Variants in TGM3 observed in about 807,000 individuals in gnomAD.
The protein encoded by TGM3 is transglutaminase 3.
Under a neutral mutation model 73.8 loss-of-function variants are expected in TGM3, and 52 were observed. The observed-to-expected ratio is 0.70, with a 90% CI of 0.56 to 0.89. The LOEUF is 0.89. TGM3 is among the 40% of genes least tolerant of loss of function. TGM3 has a pLI of 0.00. For synonymous variants in TGM3, 372 were observed against 354.9 expected, an observed-to-expected ratio of 1.05 and a Z score of -0.54; for missense variants, 928 against 909.9, an observed-to-expected ratio of 1.02 and a Z score of -0.26.
intron 7 of TGM3, among the ~76,000 whole-genome samples, chr20:2,324,292 T>C (rs978539596): frequency 2.6e-5 from 4 of 152,232 alleles, no homozygotes; most frequent in Non-Finnish European, 5.9e-5. Context: ...TTTCCTTTAT[T>C]TCGTTGAGCC....
At chr20:2,336,184 C>T (rs2084350177) in intron 11 of TGM3, among the ~76,000 whole-genome samples, 1 of 148,822 alleles carries the variant, frequency 6.7e-6, no homozygotes, top group South Asian at 2.2e-4. Context: ...TGTGCGGACT[C>T]CAAGCCTGTC....
intron 4 of TGM3, among the ~76,000 whole-genome samples, chr20:2,311,793 T>C (rs538356278): frequency 6.6e-6 from 1 of 152,116 alleles, no homozygotes; most frequent in South Asian, 2.1e-4. Context: ...GGATAGGACA[T>C]AGAGTGCACC....
intron 4 of TGM3, 44 bp from the exon 5 acceptor site, chr20:2,312,854 C>T (rs200308581): frequency 1.2e-6 from 2 of 1,610,604 alleles, no homozygotes; most frequent in East Asian, 2.2e-5. Flanking sequence ...GCCAACTCTC[C>T]TTGTCATTTC....
intron 11 of TGM3, among the ~76,000 whole-genome samples, chr20:2,335,508 G>T (rs1402842618): frequency 6.6e-6 from 1 of 152,226 alleles, no homozygotes; most frequent in African/African-American, 2.4e-5. Flanking sequence ...GCGTGCATTT[G>T]CCTGGCTGCT....
chr20:2,315,493 C>T (rs932815768), intron 5 of TGM3, among the ~76,000 whole-genome samples: 1 of 152,222 alleles, frequency 6.6e-6, no homozygotes, highest in Non-Finnish European at 1.5e-5. Flanking sequence ...CACTACTGCA[C>T]TGAGGGCCTG....
At chr20:2,321,387 A>C (rs1024641853) in intron 7 of TGM3, among the ~76,000 whole-genome samples, 1 of 152,082 alleles carries the variant, frequency 6.6e-6, no homozygotes, top group Non-Finnish European at 1.5e-5. Flanking sequence ...TATTATTGGC[A>C]CTCTCTTGGC....
intron 1 of TGM3, among the ~76,000 whole-genome samples, chr20:2,302,892 G>T (rs943458683): frequency 6.6e-6 from 1 of 152,112 alleles, no homozygotes; most frequent in Non-Finnish European, 1.5e-5. Flanking sequence ...CATAAGAAAA[G>T]AATGAGCTAC....
At chr20:2,321,729 G>A (rs941121142) in intron 7 of TGM3, among the ~76,000 whole-genome samples, 1 of 152,170 alleles carries the variant, frequency 6.6e-6, no homozygotes, top group South Asian at 2.1e-4. Context: ...AGTGGAGCCC[G>A]AGGTTGGGGG....
At chr20:2,301,990 C>T (rs1182196497) in intron 1 of TGM3, among the ~76,000 whole-genome samples, 4 of 152,202 alleles carry the variant, frequency 2.6e-5, no homozygotes, top group Non-Finnish European at 4.4e-5. Context: ...TGTGAGCCAC[C>T]GTGCCCAGCC....
At chr20:2,318,929 C>T (rs374297069) in intron 7 of TGM3, among the ~76,000 whole-genome samples, 1 of 152,178 alleles carries the variant, frequency 6.6e-6, no homozygotes, top group African/African-American at 2.4e-5. Context: ...CATCCCTTCC[C>T]TTCTGAAGGA....
intron 1 of TGM3, among the ~76,000 whole-genome samples, chr20:2,308,813 C>T (rs1032469089): frequency 6.6e-6 from 1 of 151,412 alleles, no homozygotes; most frequent in African/African-American, 2.4e-5. Flanking sequence ...TCTGGGGACA[C>T]ACAAGGGGAC....
intron 8 of TGM3, among the ~76,000 whole-genome samples, chr20:2,326,840 C>T (rs1463562473): frequency 6.9e-6 from 1 of 145,112 alleles, no homozygotes; most frequent in Non-Finnish European, 1.5e-5. Context: ...CAGAGCAAGA[C>T]TCCGTCTAAA....
At chr20:2,312,812 T>C in intron 4 of TGM3, 86 bp from the exon 5 acceptor site, 1 of 1,561,028 alleles carries the variant, frequency 6.4e-7, no homozygotes, top group Non-Finnish European at 8.7e-7. Context: ...TGATAGTTCC[T>C]GTGGTTCTTG....
intron 1 of TGM3, among the ~76,000 whole-genome samples, chr20:2,297,837 T>C (rs2084119192): frequency 6.6e-6 from 1 of 151,916 alleles, no homozygotes; most frequent in South Asian, 2.1e-4. Context: ...AATATGGAGG[T>C]GAATGAGATG....
Position 2,328,048 on chromosome 20 carries a change from G to T in TGM3, c.1088-72G>T. On this transcript the variant is annotated intron_variant, in intron 8 of 12. Transcript: ENST00000381458. The surrounding 1 kb of genome is among the most constrained non-coding windows in gnomAD (Gnocchi z 5.2). ...GCAGGGGGTTGCAGTGGTCCTGGAAGGCCCTGGGGAATCGGGCACTGGGTA... is the reference window on the plus strand; with the variant it reads ...GCAGGGGGTTGCAGTGGTCCTGGAATGCCCTGGGGAATCGGGCACTGGGTA... 6.3e-7 allele frequency: 1 copy of T among 1,593,446 alleles called. No homozygotes were observed. The highest frequency in any genetic ancestry group is 8.6e-7 in the Non-Finnish European group (1 of 1,167,094).
chr20:2,313,086 G>A (rs2084215758), intron 5 of TGM3, 60 bp downstream of exon 5: 1 of 1,604,416 alleles, frequency 6.2e-7, no homozygotes, highest in Non-Finnish European at 8.5e-7. Flanking sequence ...CCACCTATGA[G>A]CTAGGCACGC....
At chr20:2,326,041 T>G in intron 8 of TGM3, 89 bp downstream of exon 8, 1 of 1,273,018 alleles carries the variant, frequency 7.9e-7, no homozygotes, top group Non-Finnish European at 1.1e-6. Flanking sequence ...TCCAAAGCCC[T>G]CTCCCTCTGG....
intron 1 of TGM3, among the ~76,000 whole-genome samples, chr20:2,300,279 AAAG>A (rs1482871440): frequency 6.6e-6 from 1 of 152,180 alleles, no homozygotes; most frequent in Non-Finnish European, 1.5e-5. Flanking sequence ...GAAGAGAAGA[AAAG>A]AAAGAAAATG....
rs185712359 is a variant in TGM3, at chr20:2,313,043, C to T, written c.669+17C>T. 162 of 1,613,922 alleles carry T rather than the reference C, an allele frequency of 1.0e-4. No homozygotes were observed. In the East Asian group the frequency reaches 1.2e-3, roughly 12 times the overall value. ...AGTGCCATGGTGAGTAACAGGAAAA[C>T]GATCACAGCTAGTTGTCATCATATA... On this transcript the variant is annotated intron_variant, in intron 5 of 12. Coordinates refer to ENST00000381458, the MANE Select transcript of TGM3 (RefSeq NM_003245.4).
Sources: allele counts gnomAD v4.1 joint callset (sites outside exome capture counted in the v4.1 genomes callset), GRCh38; gene constraint gnomAD v4.1.1; non-coding constraint Gnocchi (gnomAD v3.1); transcripts MANE v1.5; gene names NCBI Gene and HGNC (gene_info 2026-07-23, HGNC 2026-07-21).